Variants in TRIP12 observed in about 807,000 individuals in gnomAD.
TRIP12 encodes thyroid hormone receptor interactor 12.
In TRIP12, 25 loss-of-function variants were observed where a neutral mutation model predicts 244.2. The observed-to-expected ratio is 0.10, with a 90% CI of 0.07 to 0.14. TRIP12 has a LOEUF of 0.14. TRIP12 is among the 10% of genes least tolerant of loss of function. TRIP12 has a pLI of 1.00. For synonymous variants in TRIP12, 905 were observed against 873.1 expected (o/e 1.04, Z -0.64); for missense variants, 1,677 against 2,486.4 (o/e 0.67, Z 6.92).
At chr2:229,880,459 T>C (rs1011581854) in intron 1 of TRIP12, among the ~76,000 whole-genome samples, 1 of 152,228 alleles carries the variant, frequency 6.6e-6, no homozygotes, top group Non-Finnish European at 1.5e-5. Flanking sequence ...TCTAGTATTG[T>C]GCCTAAACAG....
chr2:229,912,797 T>A (rs2074573358), intron 1 of TRIP12, among the ~76,000 whole-genome samples: 1 of 152,198 alleles, frequency 6.6e-6, no homozygotes, highest in South Asian at 2.1e-4. Context: ...ATAAATCTCT[T>A]CTTTTTCAGC....
At chr2:229,820,827 T>C (rs546299349) in intron 8 of TRIP12, among the ~76,000 whole-genome samples, 1 of 152,256 alleles carries the variant, frequency 6.6e-6, no homozygotes, top group South Asian at 2.1e-4. Context: ...TGACCTCAGG[T>C]GATCTGCCCA....
chr2:229,870,897 G>C (rs1218621045), intron 2 of TRIP12, among the ~76,000 whole-genome samples: 1 of 152,138 alleles, frequency 6.6e-6, no homozygotes, highest in African/African-American at 2.4e-5. Context: ...AATCCGGCTA[G>C]ACACGGTGGC....
intron 4 of TRIP12, among the ~76,000 whole-genome samples, chr2:229,845,159 G>T (rs777737607): frequency 6.6e-6 from 1 of 152,320 alleles, no homozygotes; most frequent in Middle Eastern, 3.4e-3. Context: ...ATGTGAGATT[G>T]CAAGTGCTAT....
rs547722247 is a variant in TRIP12, at chr2:229,908,607, C to G, written c.-50+13273G>C. Among the ~76,000 whole-genome samples, 5 of 152,078 alleles carry G rather than the reference C, an allele frequency of 3.3e-5. No individual in the cohort carries two copies. In the South Asian group the frequency reaches 1.0e-3, roughly 32 times the overall value. ...ATTAGCCGGGCGTGGTGGCGGGCGC[C>G]TGTAGTCCCAGCTACTCGGAGAGGC... is the stretch of plus-strand genomic sequence containing the variant. On this transcript the variant is annotated intron_variant, in intron 1 of 41. Transcript: ENST00000675903.
Position 229,797,696 on chromosome 2 carries a change from G to A in TRIP12, c.3618C>T (p.Asn1206=), listed in dbSNP as rs2043162017. The change falls in exon 24 of 42, where the codon AAC becomes AAT. Residue 1206 remains asparagine, a synonymous_variant. Coordinates refer to ENST00000675903, the MANE Select transcript of TRIP12 (RefSeq NM_001348323.3). Reference sequence around the variant, plus strand: ...AATGCACTGGACACAGCACCTGGAGGTTGAGTTGTTCGGTTGCAGCACAAA... The same window carrying A: ...AATGCACTGGACACAGCACCTGGAGATTGAGTTGTTCGGTTGCAGCACAAA... ...QRLCAATEQL[N]LQVDGGAECL... is the part of the protein sequence containing the mutation. 6.2e-7 allele frequency: 1 copy of A among 1,613,508 alleles called. No homozygotes were observed.
chr2:229,897,829 C>A (rs1468446273), intron 1 of TRIP12, among the ~76,000 whole-genome samples: 1 of 152,152 alleles, frequency 6.6e-6, no homozygotes. Context: ...TCCTCTCTCT[C>A]CCCCCTATGT....
intron 4 of TRIP12, among the ~76,000 whole-genome samples, chr2:229,857,179 T>C (rs533381195): frequency 2.0e-5 from 3 of 152,286 alleles, no homozygotes; most frequent in South Asian, 4.1e-4. Context: ...AAGAAAACAT[T>C]ATAGCCCTAC....
At position 229,875,641 on chromosome 2, in the gene TRIP12, C is replaced by T. The variant is rs182014789; in HGVS notation, c.98+4341G>A. ...GCTTCCACATTTGTAAGAGAGATTA[C>T]ATATTTAATTTCTGAGTTTCAACTG... On this transcript the variant is annotated intron_variant, in intron 2 of 41. Transcript: ENST00000675903. 1.4e-4 allele frequency among the ~76,000 whole-genome samples: 22 copies of T among 152,338 alleles called. No homozygotes were observed. In the East Asian group the frequency reaches 4.2e-3, roughly 29 times the overall value.
In TRIP12 at chr2:229,857,877, G is replaced by A. The variant is rs550103015; in HGVS notation, c.1027+895C>T. Among the ~76,000 whole-genome samples the A allele has an allele frequency of 7.2e-5, 11 of 152,268 alleles. No homozygotes were observed. The South Asian group carries it at 2.3e-3, about 32-fold the overall frequency. On this transcript the variant is annotated intron_variant, in intron 4 of 41. Coordinates refer to ENST00000675903, the MANE Select transcript of TRIP12 (RefSeq NM_001348323.3). ...CTACTCCACTGTAAACTTTTAGAGAGCAATATTCTTACTCACTTAGGACAC... is the reference window on the plus strand; with the variant it reads ...CTACTCCACTGTAAACTTTTAGAGAACAATATTCTTACTCACTTAGGACAC...
intron 1 of TRIP12, chr2:229,894,588 A>C (rs2068259847): frequency 6.6e-6 from 1 of 152,222 alleles, no homozygotes; most frequent in South Asian, 2.1e-4. Context: ...AAAAGCAAGC[A>C]AGACAGGGGA....
chr2:229,822,698 T>C (rs1400098742), intron 8 of TRIP12, among the ~76,000 whole-genome samples: 1 of 151,982 alleles, frequency 6.6e-6, no homozygotes, highest in South Asian at 2.1e-4. Context: ...ACTAGACTTA[T>C]AAAGAGGCAG....
chr2:229,785,717 C>T, intron 34 of TRIP12, 40 bp downstream of exon 34: 2 of 1,564,416 alleles, frequency 1.3e-6, no homozygotes, highest in African/African-American at 2.7e-5. Flanking sequence ...ATTAAGAGCA[C>T]AAGTCAAGCT....
chr2:229,777,696 A>C (rs1377572848), intron 36 of TRIP12, among the ~76,000 whole-genome samples: 1 of 152,226 alleles, frequency 6.6e-6, no homozygotes, highest in Non-Finnish European at 1.5e-5. Context: ...ATTACTGAAT[A>C]TCCCAATGCA....
At chr2:229,918,183 A>T (rs1282041455) in intron 1 of TRIP12, among the ~76,000 whole-genome samples, 1 of 152,202 alleles carries the variant, frequency 6.6e-6, no homozygotes, top group Non-Finnish European at 1.5e-5. Context: ...ATGAGTTGTA[A>T]GTTGTTCTTC....
At chr2:229,903,610 C>T (rs1409542252) in intron 1 of TRIP12, among the ~76,000 whole-genome samples, 3 of 151,992 alleles carry the variant, frequency 2.0e-5, no homozygotes, top group Non-Finnish European at 2.9e-5. Context: ...CTGCCACAAG[C>T]AAAGAGCCAC....
chr2:229,775,782 T>C (rs185308464), intron 37 of TRIP12, among the ~76,000 whole-genome samples: 31 of 151,954 alleles, frequency 2.0e-4, no homozygotes, highest in African/African-American at 7.2e-4. Context: ...TGCCCCCATC[T>C]GTATATATAC....
At chr2:229,798,275 G>A (rs2043316101) in intron 23 of TRIP12, among the ~76,000 whole-genome samples, 1 of 152,070 alleles carries the variant, frequency 6.6e-6, no homozygotes, top group African/African-American at 2.4e-5. Context: ...AAATGCTGAT[G>A]GCTTCAGAAA....
intron 34 of TRIP12, among the ~76,000 whole-genome samples, chr2:229,781,737 T>C (rs1431251963): frequency 6.6e-6 from 1 of 152,198 alleles, no homozygotes; most frequent in Non-Finnish European, 1.5e-5. Context: ...TAGAGCTAGT[T>C]AGAAATTCTT....
Sources: gnomAD v4.1 joint callset for allele counts (sites outside exome capture counted in the v4.1 genomes callset) on GRCh38, gnomAD v4.1.1 for gene constraint, MANE v1.5 for transcripts, NCBI Gene and HGNC (gene_info 2026-07-23, HGNC 2026-07-21) for gene names.